The following KRTAP5-1 variants were observed in gnomAD, a reference collection of about 807,000 sequenced individuals.
KRTAP5-1 encodes keratin associated protein 5-1, also known as keratin-associated protein 5-1.
In KRTAP5-1, 1 loss-of-function variant was observed where a neutral mutation model predicts 1.1. That is an observed-to-expected ratio of 0.90 (90% confidence interval 0.32 to 4.26). The LOEUF (loss-of-function observed/expected upper bound fraction) is 4.26. KRTAP5-1 is among the 30% of genes most tolerant of loss of function. KRTAP5-1 has a pLI of 0.17. For synonymous variants in KRTAP5-1, 105 were observed against 141.6 expected (o/e 0.74, Z 1.84); for missense variants, 302 against 349.7 (o/e 0.86, Z 1.09).
Position 1,584,363 on chromosome 11 carries a change from A to G in KRTAP5-1, c.*50T>C. The G allele has an allele frequency of 6.3e-7, 1 of 1,598,252 alleles. No homozygotes were observed. Among genetic ancestry groups the G allele is most frequent in the Non-Finnish European group, 8.6e-7 (1 of 1,168,204 alleles). ...ACTGGGTGCCAGGAAAAGGAGGTAA[A>G]GGCTGGGCAGGAATGCCTGGCCATG... On this transcript the variant is annotated 3_prime_UTR_variant, in exon 1 of 1. Transcript: ENST00000382171.
rs1420948010 is a variant in KRTAP5-1, at chr11:1,585,038, G to A, written c.212C>T (p.Ser71Phe). 1 of 1,573,772 alleles carries A rather than the reference G, an allele frequency of 6.4e-7. No individual in the cohort carries two copies. Residue 71 changes from serine to phenylalanine, a missense_variant, in exon 1 of 1, where the codon TCT becomes TTT. Physicochemically the swap from Ser to Phe is radical, Grantham distance 155 (BLOSUM62 -2). Transcript: ENST00000382171. ...CSSCGKGGCG[S>F]SGGSKGGCGS... Reference sequence around the variant, plus strand: ...ACAGCCCCCCTTGGAGCCCCCAGAAGAGCCACAGCCCCCTTTGCCACAGCT... The same window carrying A: ...ACAGCCCCCCTTGGAGCCCCCAGAAAAGCCACAGCCCCCTTTGCCACAGCT...
At position 1,585,218 on chromosome 11, in the gene KRTAP5-1, C is replaced by T; in HGVS notation, c.32G>A (p.Gly11Asp). 6.2e-7 allele frequency: 1 copy of T among 1,612,738 alleles called. No individual in the cohort carries two copies. Among genetic ancestry groups the T allele is most frequent in the Non-Finnish European group, 8.5e-7 (1 of 1,179,956 alleles). The change falls in exon 1 of 1, where the codon GGC (glycine) becomes GAC (aspartate). Residue 11 changes from glycine (G) to aspartate (D), a missense_variant. By Grantham distance (94) the Gly-to-Asp change is moderately conservative. Transcript: ENST00000382171. ...GGAGCCACAGCCCCCACAGCTGGAGCCACAGCCTCCGGAGCAGCCGCAACA... is the reference window on the plus strand; with the variant it reads ...GGAGCCACAGCCCCCACAGCTGGAGTCACAGCCTCCGGAGCAGCCGCAACA... Reference protein sequence around the residue: MGCCGCSGGCGSSCGGCGSGC... With the variant: MGCCGCSGGCDSSCGGCGSGC...
Position 1,585,088 on chromosome 11 carries a change from G to A in KRTAP5-1, c.162C>T (p.Cys54=). The part of the protein sequence containing the change: ...VPVCCCKPVC[C]RVPTCSCSSC... Reference sequence around the variant, plus strand: ...TGGAGCAGGAACAGGTTGGCACACGGCAGCACACGGGCTTGCAGCAGCAGA... The same window carrying A: ...TGGAGCAGGAACAGGTTGGCACACGACAGCACACGGGCTTGCAGCAGCAGA... Residue 54 remains cysteine, a synonymous_variant, in exon 1 of 1, where the codon TGC becomes TGT. Transcript: ENST00000382171. The A allele has an allele frequency of 1.9e-6, 3 of 1,608,752 alleles. No individual in the cohort carries two copies. Among genetic ancestry groups the A allele is most frequent in the Non-Finnish European group, 2.5e-6 (3 of 1,178,818 alleles).
Sources: allele counts gnomAD v4.1 joint callset, GRCh38; gene constraint gnomAD v4.1.1; transcripts MANE v1.5; gene names NCBI Gene and HGNC (gene_info 2026-07-23, HGNC 2026-07-21).